Variants in BRAF observed in about 807,000 individuals in gnomAD.
BRAF encodes the protein B-Raf proto-oncogene, serine/threonine kinase.
In BRAF, 16 loss-of-function variants were observed where a neutral mutation model predicts 104.6. The ratio of observed to expected loss-of-function variants is 0.15; its 90% CI spans 0.10 to 0.23. BRAF has a LOEUF of 0.23. BRAF is among the 10% of genes least tolerant of loss of function. BRAF has a pLI of 1.00. For missense variants in BRAF, 541 were observed against 937.3 expected (o/e 0.58, Z 5.52); for synonymous variants, 310 against 341.6 (o/e 0.91, Z 1.02).
intron 12 of BRAF, 56 bp downstream of exon 11, chr7:140,781,520 G>T: frequency 1.4e-6 from 2 of 1,441,070 alleles, no homozygotes; most frequent in Admixed American, 1.7e-5. Flanking sequence ...CAAAATAAAA[G>T]TTGTTAAACA....
intron 14 of BRAF, among the ~76,000 whole-genome samples, chr7:140,761,968 T>C (rs913141663): frequency 2.6e-5 from 4 of 152,086 alleles, no homozygotes; most frequent in African/African-American, 4.8e-5. Context: ...CTGTCAACAT[T>C]AGACAGATCA....
At chr7:140,788,674 T>C (rs1015735877) in intron 8 of BRAF, among the ~76,000 whole-genome samples, 49 of 151,968 alleles carry the variant, frequency 3.2e-4, no homozygotes, top group Admixed American at 3.2e-3. Context: ...TTGCAACCTC[T>C]GCCTCTTGGG....
chr7:140,914,658 C>A (rs778916328), intron 1 of BRAF, among the ~76,000 whole-genome samples: 13 of 151,990 alleles, frequency 8.6e-5, no homozygotes, highest in Non-Finnish European at 1.5e-4. Flanking sequence ...TAACTGCTTG[C>A]TAGTCACAGA....
At chr7:140,881,820 G>C (rs2129104576) in intron 1 of BRAF, among the ~76,000 whole-genome samples, 1 of 152,234 alleles carries the variant, frequency 6.6e-6, no homozygotes, top group South Asian at 2.1e-4. Context: ...GAAGAGTTGG[G>C]GGAACAGCCA....
chr7:140,800,392 G>C lies in BRAF; in HGVS notation c.950C>G (p.Ser317Cys), dbSNP rs779101864. 4.3e-6 allele frequency: 7 copies of C among 1,614,186 alleles called. No individual in the cohort carries two copies. The highest frequency in any genetic ancestry group is 5.1e-6 in the Non-Finnish European group (6 of 1,180,038). The change falls in exon 7 of 20, where the codon TCC (serine) becomes TGC (cysteine). Residue 317 changes from serine (S) to cysteine (C), a missense_variant. By Grantham distance (112) the Ser-to-Cys change is moderately radical. Around this residue, in one of 10 missense-constraint regions of BRAF, gnomAD observed 79 missense variants for 74.6 expected, o/e 1.06. Coordinates refer to ENST00000644969, the MANE Select transcript of BRAF (RefSeq NM_001374258.1). ...AGAGTCCGAGGCGGGTGCGGAAGGG[G>C]ATGATCCAGATGTTAGGGCAGTCTC... ...LAETALTSGS[S>C]PSAPASDSIG...
At position 140,840,135 on chromosome 7, in the gene BRAF, A is replaced by G. The variant is rs191780392; in HGVS notation, c.241-5263T>C. Reference sequence around the variant, plus strand: ...TCTTCCTTTAAGCTAACTTTGGAATAAAAAAGTCACTTTATACTAGACTTT... The same window carrying G: ...TCTTCCTTTAAGCTAACTTTGGAATGAAAAAGTCACTTTATACTAGACTTT... On this transcript the variant is annotated intron_variant, in intron 2 of 19. Transcript: ENST00000644969. Among the ~76,000 whole-genome samples, 13 of 152,328 alleles carry G rather than the reference A, an allele frequency of 8.5e-5. No individual in the cohort carries two copies. The East Asian group carries it at 2.3e-3, about 27-fold the overall frequency.
At chr7:140,808,480 A>T (rs1803893669) in intron 4 of BRAF, 1 of 344,216 alleles carries the variant, frequency 2.9e-6, no homozygotes, top group African/African-American at 2.1e-5. Context: ...GAGGATTCAA[A>T]ATGTGAGGGT....
intron 1 of BRAF, among the ~76,000 whole-genome samples, chr7:140,854,811 G>A (rs1241650888): frequency 2.0e-5 from 3 of 152,080 alleles, no homozygotes; most frequent in African/African-American, 7.2e-5. Flanking sequence ...CGGGCGTGGT[G>A]GCGTGTGCCT....
At chr7:140,916,466 G>GAGAATAACA (rs1344512728) in intron 1 of BRAF, among the ~76,000 whole-genome samples, 1 of 152,216 alleles carries the variant, frequency 6.6e-6, no homozygotes, top group African/African-American at 2.4e-5. Flanking sequence ...AATGAAGATG[G>GAGAATAACA]AGAATAACAC....
intron 2 of BRAF, among the ~76,000 whole-genome samples, chr7:140,847,838 C>T (rs1808741956): frequency 6.6e-6 from 1 of 152,088 alleles, no homozygotes; most frequent in Admixed American, 6.5e-5. Context: ...GTCTGTATGA[C>T]TCCATGGCTC....
At chr7:140,822,616 ATTCC>A (rs1805606731) in intron 3 of BRAF, among the ~76,000 whole-genome samples, 1 of 152,202 alleles carries the variant, frequency 6.6e-6, no homozygotes, top group Admixed American at 6.5e-5. Flanking sequence ...TTAGCAGTTC[ATTCC>A]TTTCTACTGA....
intron 1 of BRAF, among the ~76,000 whole-genome samples, chr7:140,852,416 A>C (rs1477118978): frequency 1.3e-5 from 2 of 151,804 alleles, no homozygotes; most frequent in Non-Finnish European, 2.9e-5. Flanking sequence ...CCAAAAACCA[A>C]ACAAACAAAC....
chr7:140,867,778 G>T (rs991590989), intron 1 of BRAF, among the ~76,000 whole-genome samples: 22 of 152,066 alleles, frequency 1.4e-4, no homozygotes, highest in African/African-American at 5.3e-4. Flanking sequence ...AGCAAAATTG[G>T]TATGTGCAAC....
rs144715118 is a variant in BRAF, at chr7:140,750,977, A to G, written c.1981-1559T>C. On this transcript the variant is annotated intron_variant, in intron 16 of 19. Coordinates refer to ENST00000644969, the MANE Select transcript of BRAF (RefSeq NM_001374258.1). ...AACAAAGTTGAGAAGAACATTGTATATAATTCAAAGGACCACACAGCCTTA... is the reference window on the plus strand; with the variant it reads ...AACAAAGTTGAGAAGAACATTGTATGTAATTCAAAGGACCACACAGCCTTA... 3.3e-3 allele frequency among the ~76,000 whole-genome samples: 498 copies of G among 152,312 alleles called. 3 individuals are homozygous for G. The highest frequency in any genetic ancestry group is 0.011 in the African/African-American group (476 of 41,564).
chr7:140,884,946 CAAT>C (rs1170599643), intron 1 of BRAF, among the ~76,000 whole-genome samples: 10 of 151,948 alleles, frequency 6.6e-5, no homozygotes, highest in African/African-American at 1.9e-4. Context: ...CAACAAAAAA[CAAT>C]GAGAGGGCAA....
At chr7:140,871,235 G>A (rs1055077232) in intron 1 of BRAF, among the ~76,000 whole-genome samples, 4 of 98,408 alleles carry the variant, frequency 4.1e-5, no homozygotes, top group African/African-American at 1.5e-4. Context: ...GCAAGACTCC[G>A]TCTCAAAAAA....
At chr7:140,751,821 T>C (rs560366737) in intron 16 of BRAF, among the ~76,000 whole-genome samples, 2 of 152,176 alleles carry the variant, frequency 1.3e-5, no homozygotes, top group Non-Finnish European at 2.9e-5. Flanking sequence ...TACATAAAGT[T>C]TGTGGCTTTG....
intron 19 of BRAF, among the ~76,000 whole-genome samples, chr7:140,726,828 T>C (rs1234002958): frequency 6.6e-6 from 1 of 152,252 alleles, no homozygotes; most frequent in Non-Finnish European, 1.5e-5. Flanking sequence ...AAACTGAATG[T>C]AAAGTAGTAA....
chr7:140,734,119 T>A, intron 19 of BRAF: 1 of 1,049,432 alleles, frequency 9.5e-7, no homozygotes, highest in Non-Finnish European at 1.2e-6. Flanking sequence ...AGAATAATAA[T>A]AGAATTATTA....
Sources: allele counts gnomAD v4.1 joint callset (sites outside exome capture counted in the v4.1 genomes callset), GRCh38; gene constraint gnomAD v4.1.1; regional missense constraint gnomAD v4.1.1; transcripts MANE v1.5; gene names NCBI Gene and HGNC (gene_info 2026-07-23, HGNC 2026-07-21).